SORCS1: variants seen among roughly 807,000 people sequenced by gnomAD.
SORCS1 encodes sortilin related VPS10 domain containing receptor 1, also known as VPS10 domain-containing receptor SorCS1.
In SORCS1, 60 loss-of-function variants were observed where a neutral mutation model predicts 146.1. The ratio of observed to expected loss-of-function variants is 0.41; its 90% CI spans 0.33 to 0.51. The LOEUF (loss-of-function observed/expected upper bound fraction) is 0.51, where lower values mean the gene tolerates loss of function less well. Among genes scored for constraint, SORCS1 ranks in the 20% least tolerant of loss-of-function variants. The pLI is 0.21. For synonymous variants in SORCS1, 637 were observed against 584.0 expected, an observed-to-expected ratio of 1.09 and a Z score of -1.31; for missense variants, 1,352 against 1,487.6, an observed-to-expected ratio of 0.91 and a Z score of 1.50.
At chr10:106,849,228 A>C (rs1949440747) in intron 2 of SORCS1, among the ~76,000 whole-genome samples, 1 of 151,076 alleles carries the variant, frequency 6.6e-6, no homozygotes, top group African/African-American at 2.4e-5. Flanking sequence ...TACACCAATC[A>C]GATGTAGATT....
Position 106,575,536 on chromosome 10 carries a change from C to T in SORCS1, c.*1884G>A, listed in dbSNP as rs987592640. ...GTCCATAATACTAAAGGGGCCTCTG[C>T]TGAACAGGCTTTTGTTTCCCTCTTT... is the stretch of plus-strand genomic sequence containing the variant. On this transcript the variant is annotated 3_prime_UTR_variant, in exon 26 of 26. Transcript: ENST00000263054. 1.3e-5 allele frequency: 2 copies of T among 152,242 alleles called. No homozygotes were observed. The highest frequency in any genetic ancestry group is 2.9e-5 in the Non-Finnish European group (2 of 68,054). 9.4% of individuals were successfully genotyped at this position (152,242 alleles called of 1,614,324 possible). A position where few individuals can be genotyped will look rare whatever the true frequency, so the allele number is the denominator to read the frequency against.
intron 2 of SORCS1, among the ~76,000 whole-genome samples, chr10:106,857,582 T>C (rs985224357): frequency 3.3e-5 from 5 of 152,322 alleles, no homozygotes; most frequent in Admixed American, 3.3e-4. Flanking sequence ...CAAGGGCGCA[T>C]TGGGTGCATC....
At chr10:106,610,720 C>T (rs575868990) in intron 22 of SORCS1, among the ~76,000 whole-genome samples, 70 of 152,254 alleles carry the variant, frequency 4.6e-4, no homozygotes, top group African/African-American at 1.2e-3. Context: ...TCTGATTTTC[C>T]GCGTTTGCAC....
intron 22 of SORCS1, among the ~76,000 whole-genome samples, chr10:106,610,822 T>C (rs1463836312): frequency 1.3e-5 from 2 of 152,050 alleles, no homozygotes; most frequent in Non-Finnish European, 2.9e-5. Context: ...CTCACGCCTG[T>C]AATCCCAACA....
intron 2 of SORCS1, among the ~76,000 whole-genome samples, chr10:106,925,058 ATATCT>A (rs1952946863): frequency 6.6e-6 from 1 of 151,982 alleles, no homozygotes; most frequent in African/African-American, 2.4e-5. Context: ...ATTATATATC[ATATCT>A]TATGTACTTA....
intron 5 of SORCS1, among the ~76,000 whole-genome samples, chr10:106,742,677 G>T (rs754462745): frequency 6.6e-6 from 1 of 152,150 alleles, no homozygotes; most frequent in Non-Finnish European, 1.5e-5. Context: ...ACCACGCCTG[G>T]CCAATTTCAT....
intron 1 of SORCS1, among the ~76,000 whole-genome samples, chr10:107,081,320 C>G (rs1309920630): frequency 6.6e-6 from 1 of 152,182 alleles, no homozygotes; most frequent in Non-Finnish European, 1.5e-5. Flanking sequence ...AGGAATCTGC[C>G]ATGAATTTCT....
intron 1 of SORCS1, among the ~76,000 whole-genome samples, chr10:107,113,440 G>C (rs1453187018): frequency 2.0e-5 from 3 of 152,138 alleles, no homozygotes; most frequent in African/African-American, 4.8e-5. Context: ...TGTAATCCCA[G>C]CACTTTGGGA....
At chr10:107,131,579 G>T (rs1246983383) in intron 1 of SORCS1, among the ~76,000 whole-genome samples, 1 of 152,102 alleles carries the variant, frequency 6.6e-6, no homozygotes, top group Non-Finnish European at 1.5e-5. Context: ...ACAAAAATTA[G>T]CCGGGTGTGG....
chr10:106,856,707 C>G (rs550981278), intron 2 of SORCS1, among the ~76,000 whole-genome samples: 3 of 152,336 alleles, frequency 2.0e-5, no homozygotes, highest in South Asian at 2.1e-4. Flanking sequence ...GAGGGCCTCT[C>G]TGATTAGGTC....
intron 1 of SORCS1, among the ~76,000 whole-genome samples, chr10:107,024,762 C>T (rs549210700): frequency 1.3e-5 from 2 of 152,146 alleles, no homozygotes; most frequent in East Asian, 1.9e-4. Flanking sequence ...AAAGGAAATC[C>T]CATATACTCT....
chr10:106,719,961 C>T (rs1855667198), intron 6 of SORCS1, among the ~76,000 whole-genome samples: 1 of 152,210 alleles, frequency 6.6e-6, no homozygotes. Context: ...GAATGCTCTT[C>T]CACCAGGCAG....
chr10:106,808,500 A>T (rs568393452), intron 3 of SORCS1, among the ~76,000 whole-genome samples: 642 of 151,736 alleles, frequency 4.2e-3, no homozygotes, highest in African/African-American at 0.014. Flanking sequence ...GAGTTTATTT[A>T]TTTTATTTAT....
At chr10:106,791,176 C>G (rs1042238190) in intron 3 of SORCS1, among the ~76,000 whole-genome samples, 5 of 152,178 alleles carry the variant, frequency 3.3e-5, no homozygotes. Context: ...GCTTTTCCCA[C>G]TTTAAAGCCG....
chr10:107,010,700 T>C (rs952624980), intron 1 of SORCS1, among the ~76,000 whole-genome samples: 9 of 152,192 alleles, frequency 5.9e-5, no homozygotes, highest in Non-Finnish European at 1.2e-4. Context: ...TGGGTCATTT[T>C]GAGAGGCCTC....
intron 1 of SORCS1, among the ~76,000 whole-genome samples, chr10:107,083,762 G>A (rs925386545): frequency 2.0e-5 from 3 of 152,152 alleles, no homozygotes; most frequent in African/African-American, 4.8e-5. Context: ...GGAGGATGAG[G>A]GCTGCATATG....
chr10:106,652,321 T>C (rs1395418337), intron 18 of SORCS1, 61 bp downstream of exon 18: 4 of 1,452,898 alleles, frequency 2.8e-6, no homozygotes, highest in African/African-American at 1.4e-5. Context: ...AACAAAACCA[T>C]GGTTTATTAA....
At chr10:106,699,640 T>C (rs536066086) in intron 8 of SORCS1, among the ~76,000 whole-genome samples, 7 of 152,322 alleles carry the variant, frequency 4.6e-5, no homozygotes, top group African/African-American at 1.7e-4. Flanking sequence ...CCAGTTTTAA[T>C]TGCCTCATTA....
chr10:106,782,532 T>A (rs1860974709), intron 3 of SORCS1, among the ~76,000 whole-genome samples: 1 of 152,004 alleles, frequency 6.6e-6, no homozygotes, highest in African/African-American at 2.4e-5. Flanking sequence ...TAATGAGGAG[T>A]CATTCAGTAC....
Sources: gnomAD v4.1 joint callset for allele counts (sites outside exome capture counted in the v4.1 genomes callset) on GRCh38, gnomAD v4.1.1 for gene constraint, MANE v1.5 for transcripts, NCBI Gene and HGNC (gene_info 2026-07-23, HGNC 2026-07-21) for gene names.